Variants in CDH4 observed in about 807,000 individuals in gnomAD.
CDH4 encodes the protein cadherin 4, also known as cadherin-4.
In CDH4, 33 loss-of-function variants were observed where a neutral mutation model predicts 86.0. The observed-to-expected ratio is 0.38, with a 90% CI of 0.29 to 0.51. CDH4 has a LOEUF of 0.51. Among genes scored for constraint, CDH4 ranks in the 20% least tolerant of loss-of-function variants. The probability of loss-of-function intolerance (pLI) is 0.86; values close to 1 mark genes in which losing one functional copy is unlikely to be tolerated. For synonymous variants in CDH4, 555 were observed against 549.4 expected, an observed-to-expected ratio of 1.01 and a Z score of -0.14; for missense variants, 1,114 against 1,307.4, an observed-to-expected ratio of 0.85 and a Z score of 2.28.
rs925457966 is a variant in CDH4 at position 61,518,962 on chromosome 20, A to C, written c.170-224601A>C. Among the ~76,000 whole-genome samples the C allele has an allele frequency of 9.1e-5, 12 of 131,920 alleles. No individual in the cohort carries two copies. The highest frequency in any genetic ancestry group is 3.7e-4 in the African/African-American group (12 of 32,104). The allele number at this position is 131,920 out of a possible 152,430, so 86.5% of individuals were successfully genotyped here. A position where few individuals can be genotyped will look rare whatever the true frequency, so the allele number is the denominator to read the frequency against. On this transcript the variant is annotated intron_variant, in intron 2 of 15. Coordinates refer to ENST00000614565, the MANE Select transcript of CDH4 (RefSeq NM_001794.5). This position sits in a 1 kb window ranked among gnomAD's most constrained non-coding sequence, Gnocchi z 6.3. ...TCATTCATTCATCTATCCATCCATTATTTATCCATCCATCCATCCTTCATC... is the reference window on the plus strand; with the variant it reads ...TCATTCATTCATCTATCCATCCATTCTTTATCCATCCATCCATCCTTCATC...
At chr20:61,593,542 C>A (rs1332786067) in intron 2 of CDH4, among the ~76,000 whole-genome samples, 1 of 152,200 alleles carries the variant, frequency 6.6e-6, no homozygotes, top group Non-Finnish European at 1.5e-5. Flanking sequence ...TTTAGTTTAT[C>A]CCAGGGGCGT....
chr20:61,507,406 G>A (rs986553916), intron 2 of CDH4, among the ~76,000 whole-genome samples: 16 of 152,136 alleles, frequency 1.1e-4, no homozygotes, highest in African/African-American at 3.6e-4. Context: ...AAATGGAGAT[G>A]GAGGGTTTTC....
At chr20:61,452,476 A>G (rs746226871) in intron 2 of CDH4, among the ~76,000 whole-genome samples, 1 of 152,218 alleles carries the variant, frequency 6.6e-6, no homozygotes, top group Admixed American at 6.5e-5. Flanking sequence ...GATATTTATC[A>G]AATGCAGCTC....
chr20:61,893,542 A>G (rs1984952741), intron 7 of CDH4, among the ~76,000 whole-genome samples: 1 of 121,154 alleles, frequency 8.3e-6, no homozygotes, highest in Admixed American at 9.0e-5. Context: ...GAGATGGTGG[A>G]TGGGTGCATG....
In CDH4 at chr20:61,518,894, CCATTCATCCATCATT is replaced by C. The variant is rs938457044; in HGVS notation, c.170-224660_170-224646del. Among the ~76,000 whole-genome samples, 3 of 152,072 alleles carry C rather than the reference CCATTCATCCATCATT, an allele frequency of 2.0e-5. No individual in the cohort carries two copies. The highest frequency in any genetic ancestry group is 6.5e-5 in the Admixed American group (1 of 15,280). On this transcript the variant is annotated intron_variant, in intron 2 of 15. Coordinates refer to ENST00000614565, the MANE Select transcript of CDH4 (RefSeq NM_001794.5). The surrounding 1 kb of genome is among the most constrained non-coding windows in gnomAD (Gnocchi z 6.3). ...ATTCATTCATCAATCCACCCATCATCCATTCATCCATCATTCATTCATCTACCCACCTCATTCATC... is the reference window on the plus strand; with the variant it reads ...ATTCATTCATCAATCCACCCATCATCCATTCATCTACCCACCTCATTCATC...
At chr20:61,635,159 AG>A (rs1376888256) in intron 2 of CDH4, among the ~76,000 whole-genome samples, 1 of 151,992 alleles carries the variant, frequency 6.6e-6, no homozygotes, top group Non-Finnish European at 1.5e-5. Context: ...TCTGCTGAGA[AG>A]TTGAATTGCT....
chr20:61,485,644 G>A (rs190424303), intron 2 of CDH4, among the ~76,000 whole-genome samples: 50 of 152,328 alleles, frequency 3.3e-4, no homozygotes, highest in Non-Finnish European at 6.2e-4. Context: ...CAGTGAAGCT[G>A]GTTCTCCATG....
intron 2 of CDH4, among the ~76,000 whole-genome samples, chr20:61,583,753 C>A (rs2086449655): frequency 6.6e-6 from 1 of 152,252 alleles, no homozygotes; most frequent in African/African-American, 2.4e-5. Flanking sequence ...TGAGACTCCT[C>A]TCCTGCCTGC....
At chr20:61,300,374 T>C (rs1053855202) in intron 2 of CDH4, among the ~76,000 whole-genome samples, 1 of 151,984 alleles carries the variant, frequency 6.6e-6, no homozygotes, top group Non-Finnish European at 1.5e-5. Context: ...CCTCAGCTGC[T>C]CCCGGGAACC....
chr20:61,547,413 A>T (rs1415727390), intron 2 of CDH4, among the ~76,000 whole-genome samples: 2 of 151,516 alleles, frequency 1.3e-5, no homozygotes, highest in African/African-American at 2.4e-5. Flanking sequence ...ACGGGGTTTC[A>T]CTACATTAGC....
chr20:61,380,523 A>ACCGCCC (rs141105277), intron 2 of CDH4, among the ~76,000 whole-genome samples: 7 of 148,836 alleles, frequency 4.7e-5, no homozygotes, highest in African/African-American at 7.5e-5. Context: ...CCATCCTACA[A>ACCGCCC]ACCCCCCTGC....
At chr20:61,910,890 A>G (rs865904789) in intron 9 of CDH4, among the ~76,000 whole-genome samples, 4 of 152,308 alleles carry the variant, frequency 2.6e-5, no homozygotes, top group Middle Eastern at 3.4e-3. Context: ...GGCGAATTTC[A>G]TTATTAGAAT....
intron 2 of CDH4, among the ~76,000 whole-genome samples, chr20:61,677,536 C>T (rs1005781007): frequency 6.6e-6 from 1 of 152,134 alleles, no homozygotes; most frequent in Non-Finnish European, 1.5e-5. Context: ...GCACTTTACA[C>T]TTTAGATTTT....
intron 2 of CDH4, among the ~76,000 whole-genome samples, chr20:61,332,636 T>C (rs1004084799): frequency 6.6e-6 from 1 of 152,236 alleles, no homozygotes; most frequent in Non-Finnish European, 1.5e-5. Context: ...TGGGGGTAAT[T>C]GAAGGTTCTG....
chr20:61,856,180 A>G (rs747890609), intron 6 of CDH4, among the ~76,000 whole-genome samples: 3 of 152,212 alleles, frequency 2.0e-5, no homozygotes, highest in Non-Finnish European at 2.9e-5. Context: ...CTACCGCCAG[A>G]AATTAGTCAT....
chr20:61,859,230 C>T (rs570005524), intron 6 of CDH4, among the ~76,000 whole-genome samples: 2 of 152,318 alleles, frequency 1.3e-5, no homozygotes, highest in South Asian at 4.1e-4. Context: ...TCATGGCTTT[C>T]GTCCATTTCC....
At chr20:61,594,644 A>G (rs1308868247) in intron 2 of CDH4, among the ~76,000 whole-genome samples, 4 of 152,062 alleles carry the variant, frequency 2.6e-5, no homozygotes, top group Non-Finnish European at 4.4e-5. Flanking sequence ...CAGCCCTGTG[A>G]CTCTGCTTGT....
intron 2 of CDH4, among the ~76,000 whole-genome samples, chr20:61,396,615 GC>G (rs1187477489): frequency 6.6e-6 from 1 of 152,186 alleles, no homozygotes; most frequent in East Asian, 1.9e-4. Context: ...AGCAGACCTG[GC>G]CCGGCTTCCT....
chr20:61,643,204 A>AG (rs200390573), intron 2 of CDH4, among the ~76,000 whole-genome samples: 2,620 of 152,182 alleles, frequency 0.017, 68 homozygotes, highest in African/African-American at 0.057. Context: ...CATCACAGGG[A>AG]GGGGGGGTGT....
Sources: allele counts gnomAD v4.1 joint callset (sites outside exome capture counted in the v4.1 genomes callset), GRCh38; gene constraint gnomAD v4.1.1; non-coding constraint Gnocchi (gnomAD v3.1); transcripts MANE v1.5; gene names NCBI Gene and HGNC (gene_info 2026-07-23, HGNC 2026-07-21).